SHANK1: variants seen among roughly 807,000 people sequenced by gnomAD.
The protein encoded by SHANK1 is SH3 and multiple ankyrin repeat domains 1, also known as SH3 and multiple ankyrin repeat domains protein 1.
Under a neutral mutation model 165.6 loss-of-function variants are expected in SHANK1, and 35 were observed. That is an observed-to-expected ratio of 0.21 (90% CI 0.16 to 0.28). The LOEUF is 0.28. Ranked by LOEUF, SHANK1 falls within the 10% of genes least tolerant of loss-of-function variation. The pLI is 1.00. For synonymous variants in SHANK1, 1,428 were observed against 1,384.8 expected, an observed-to-expected ratio of 1.03 and a Z score of -0.69; for missense variants, 2,681 against 3,036.4, an observed-to-expected ratio of 0.88 and a Z score of 2.75.
In SHANK1 at chr19:50,666,817, C is replaced by G; in HGVS notation, c.5143G>C (p.Gly1715Arg). ...TCCGGCCCACTGGCCACACCGGCCCCAGCCCCGCCCCCACCCCCTGCGCTG... is the reference window on the plus strand; with the variant it reads ...TCCGGCCCACTGGCCACACCGGCCCGAGCCCCGCCCCCACCCCCTGCGCTG... ...GGSAGGGGGAGAGVASGPELL... is the reference protein window; with the variant it reads ...GGSAGGGGGARAGVASGPELL... The change falls in exon 23 of 24, where the codon GGG becomes CGG. Residue 1715 changes from glycine (G) to arginine (R), a missense_variant. Gly to Arg is a moderately radical substitution (Grantham distance 125). This residue lies in a region of SHANK1 where 1,713 missense variants were observed against 1,630.2 expected (regional missense o/e 1.05). Coordinates refer to ENST00000293441, the MANE Select transcript of SHANK1 (RefSeq NM_016148.5). 3 of 1,549,570 alleles carry G rather than the reference C, an allele frequency of 1.9e-6. No individual in the cohort carries two copies. The highest frequency in any genetic ancestry group is 2.6e-6 in the Non-Finnish European group (3 of 1,147,554).
In SHANK1 at chr19:50,659,384, A is replaced by G. The variant is rs1985094624; in HGVS notation, c.*2581T>C. ...GGGGGTAGGAATGAACCCCCATGTT[A>G]TAATCCCGCGTCCCTAATCTTCCTC... On this transcript the variant is annotated 3_prime_UTR_variant, in exon 24 of 24. Transcript: ENST00000293441. 1 of 350,200 alleles carries G rather than the reference A, an allele frequency of 2.9e-6. No homozygotes were observed. Among genetic ancestry groups the G allele is most frequent in the African/African-American group, 2.1e-5 (1 of 47,300 alleles). 21.7% of individuals were successfully genotyped at this position (350,200 alleles called of 1,614,324 possible). A position where few individuals can be genotyped will look rare whatever the true frequency, so the allele number is the denominator to read the frequency against.
chr19:50,694,375 TG>T (rs1986654497), intron 15 of SHANK1, among the ~76,000 whole-genome samples: 1 of 136,416 alleles, frequency 7.3e-6, no homozygotes. Flanking sequence ...GGGGTATGAA[TG>T]GGGGGACTTG....
At position 50,686,917 on chromosome 19, in the gene SHANK1, G is replaced by A. The variant is rs565254897; in HGVS notation, c.2390-105C>T. Reference sequence around the variant, plus strand: ...GCAGGTGCGGGCCAGTGGGCGTGGCGGGCGCGAGAGGGGCAGTGAGGGGCC... The same window carrying A: ...GCAGGTGCGGGCCAGTGGGCGTGGCAGGCGCGAGAGGGGCAGTGAGGGGCC... On this transcript the variant is annotated intron_variant, in intron 19 of 23. Coordinates refer to ENST00000293441, the MANE Select transcript of SHANK1 (RefSeq NM_016148.5). This position sits in a 1 kb window ranked among gnomAD's most constrained non-coding sequence, Gnocchi z 5.7. 293 of 1,421,236 alleles carry A rather than the reference G, an allele frequency of 2.1e-4. 1 individual carries two copies. The highest frequency in any genetic ancestry group is 1.9e-4 in the African/African-American group (13 of 68,670). 88.0% of individuals were successfully genotyped at this position (1,421,236 alleles called of 1,614,324 possible).
Position 50,679,494 on chromosome 19 carries a change from C to T in SHANK1, c.2577+6743G>A, listed in dbSNP as rs555455972. ...ACTGACTCCCCAGGGAGCACCTGAACTCCACCAACCAACGGGAGCATTCGC... is the reference window on the plus strand; with the variant it reads ...ACTGACTCCCCAGGGAGCACCTGAATTCCACCAACCAACGGGAGCATTCGC... On this transcript the variant is annotated intron_variant, in intron 21 of 23. Coordinates refer to ENST00000293441, the MANE Select transcript of SHANK1 (RefSeq NM_016148.5). Among the ~76,000 whole-genome samples, 4 of 152,268 alleles carry T rather than the reference C, an allele frequency of 2.6e-5. No homozygotes were observed. The South Asian group carries it at 8.3e-4, about 32-fold the overall frequency.
In SHANK1 at chr19:50,666,651, GGCCGCAGGCCTCCGCTGGCTCCTA is replaced by G. The variant is rs541236639; in HGVS notation, c.5285_5308del (p.Leu1762_Arg1769del). ...GTCTCGGAGTCCCCCGCTGGGGCCA[GGCCGCAGGCCTCCGCTGGCTCCTA>G]GCGCCCGGCCCCGGAGCTTAGAGGG... On this transcript the variant is annotated inframe_deletion, in exon 23 of 24. Coordinates refer to ENST00000293441, the MANE Select transcript of SHANK1 (RefSeq NM_016148.5). 2.6e-4 allele frequency: 417 copies of G among 1,592,828 alleles called. 3 individuals carry two copies. The African/African-American group carries it at 5.0e-3, about 19-fold the overall frequency.
chr19:50,667,623 T>C lies in SHANK1; in HGVS notation c.4337A>G (p.His1446Arg). ...SPPAARRSLLHRLPPTAPGVG... is the reference protein window; with the variant it reads ...SPPAARRSLLRRLPPTAPGVG... ...CCCGGGAGCGGTGGGCGGCAGGCGG[T>C]GTAGCAGGGAACGCCGGGCGGCGGG... The change falls in exon 23 of 24, where the codon CAC (histidine) becomes CGC (arginine). Residue 1446 changes from histidine (H) to arginine (R), a missense_variant. Physicochemically the swap from His to Arg is conservative, Grantham distance 29. Around this residue, in one of 10 missense-constraint regions of SHANK1, gnomAD observed 1,713 missense variants for 1,630.2 expected, o/e 1.05. Transcript: ENST00000293441. This position sits in a 1 kb window ranked among gnomAD's most constrained non-coding sequence, Gnocchi z 5.7. 7.0e-7 allele frequency: 1 copy of C among 1,427,278 alleles called. No homozygotes were observed. Among genetic ancestry groups the C allele is most frequent in the Non-Finnish European group, 9.1e-7 (1 of 1,101,206 alleles). 88.4% of individuals were successfully genotyped at this position (1,427,278 alleles called of 1,614,324 possible). A position where few individuals can be genotyped will look rare whatever the true frequency, so the allele number is the denominator to read the frequency against.
chr19:50,709,252 T>C (rs2081883), intron 8 of SHANK1, among the ~76,000 whole-genome samples: 152,141 of 152,176 alleles, frequency 1, 76,054 homozygotes, highest in Middle Eastern at 1. Flanking sequence ...CATTCTCCTG[T>C]CTCAGCCTCC....
intron 16 of SHANK1, 35 bp downstream of exon 16, chr19:50,689,162 G>C (rs753885818): frequency 6.5e-7 from 1 of 1,527,908 alleles, no homozygotes; most frequent in South Asian, 1.1e-5. Flanking sequence ...GGGTCACAGA[G>C]CCCTTCTCCC....
At chr19:50,696,382 A>G (rs1357369490) in intron 15 of SHANK1, among the ~76,000 whole-genome samples, 2 of 147,832 alleles carry the variant, frequency 1.4e-5, no homozygotes, top group African/African-American at 5.0e-5. Flanking sequence ...CCCCAGCCCC[A>G]CCCTCTCTCC....
intron 22 of SHANK1, among the ~76,000 whole-genome samples, chr19:50,671,568 T>C (rs1001552055): frequency 2.3e-4 from 35 of 151,744 alleles, no homozygotes; most frequent in African/African-American, 8.0e-4. Context: ...ATCCATTATC[T>C]GTCTTCCCCT....
chr19:50,687,625 G>A lies in SHANK1; in HGVS notation c.2346C>T (p.Ile782=). The change falls in exon 19 of 24, where the codon ATC becomes ATT. Residue 782 remains isoleucine, a synonymous_variant. Transcript: ENST00000293441. Reference sequence around the variant, plus strand: ...AGGTCATAGATTTGGAACGCAGGGAGATGGTTGGGGGCGGCAGCCGCTTGG... The same window carrying A: ...AGGTCATAGATTTGGAACGCAGGGAAATGGTTGGGGGCGGCAGCCGCTTGG... The part of the protein sequence containing the change: ...QQAKRLPPPT[I]SLRSKSMTSE... The A allele has an allele frequency of 6.5e-7, 1 of 1,534,084 alleles. No homozygotes were observed. Among genetic ancestry groups the A allele is most frequent in the Non-Finnish European group, 8.8e-7 (1 of 1,140,154 alleles).
intron 21 of SHANK1, among the ~76,000 whole-genome samples, chr19:50,684,594 G>C (rs912359849): frequency 3.3e-5 from 5 of 152,038 alleles, no homozygotes; most frequent in Non-Finnish European, 7.4e-5. Context: ...AGACTTCAGG[G>C]GCCTGTGCAC....
chr19:50,679,897 G>C (rs560099170), intron 21 of SHANK1, among the ~76,000 whole-genome samples: 1 of 152,164 alleles, frequency 6.6e-6, no homozygotes, highest in East Asian at 1.9e-4. Flanking sequence ...GAGAGAGACA[G>C]AGATGGAGAG....
In SHANK1 at chr19:50,713,777, G is replaced by A. The variant is rs762559007; in HGVS notation, c.792+21C>T. 3.7e-6 allele frequency: 6 copies of A among 1,609,996 alleles called. No individual in the cohort carries two copies. In the Admixed American group the frequency reaches 5.0e-5, roughly 13 times the overall value. ...GGAGAGAGGGCCCCATGGCGGGGAT[G>A]GGGGGTCCCCGAAGCCTCACCGTGA... On this transcript the variant is annotated intron_variant, in intron 6 of 23. Coordinates refer to ENST00000293441, the MANE Select transcript of SHANK1 (RefSeq NM_016148.5). This position sits in a 1 kb window ranked among gnomAD's most constrained non-coding sequence, Gnocchi z 6.2.
chr19:50,702,613 G>T lies in SHANK1; in HGVS notation c.1601C>A (p.Ser534Ter). 6.3e-7 allele frequency: 1 copy of T among 1,592,944 alleles called. No homozygotes were observed. ...GCCCAGGGAGCCCCCGGGGCCCCCT[G>T]AGCCCCCCGTGCCCCCGGCTGGCCC... ...REGPAGGTGG[S>*]GGPGGSLGSR... The change falls in exon 12 of 24, where the codon TCA (serine) becomes TAA (stop). Residue 534 changes from serine (S) to a stop codon, truncating the protein, a stop_gained. Coordinates refer to ENST00000293441, the MANE Select transcript of SHANK1 (RefSeq NM_016148.5). LOFTEE classifies it high-confidence loss of function. This position sits in a 1 kb window ranked among gnomAD's most constrained non-coding sequence, Gnocchi z 5.3.
intron 16 of SHANK1, 56 bp downstream of exon 16, chr19:50,689,141 C>T: frequency 7.0e-7 from 1 of 1,421,686 alleles, no homozygotes; most frequent in South Asian, 1.2e-5. Context: ...CCATTTTCAG[C>T]CCTGCTTCTG....
chr19:50,706,765 T>C (rs769085449), intron 8 of SHANK1, among the ~76,000 whole-genome samples: 22 of 151,964 alleles, frequency 1.4e-4, no homozygotes, highest in Non-Finnish European at 2.2e-4. Flanking sequence ...GCTTTATTTT[T>C]ATTTATTTAT....
At chr19:50,710,611 T>C (rs2088995967) in intron 8 of SHANK1, among the ~76,000 whole-genome samples, 1 of 152,192 alleles carries the variant, frequency 6.6e-6, no homozygotes, top group African/African-American at 2.4e-5. Flanking sequence ...GCCTGCTCCG[T>C]ACCTCTCCTC....
intron 12 of SHANK1, among the ~76,000 whole-genome samples, chr19:50,698,336 A>G (rs1599862716): frequency 6.6e-6 from 1 of 151,398 alleles, no homozygotes; most frequent in Admixed American, 6.6e-5. Flanking sequence ...GTTCTACCTC[A>G]CCCTCCCATC....
Sources: gnomAD v4.1 joint callset for allele counts (sites outside exome capture counted in the v4.1 genomes callset) on GRCh38, gnomAD v4.1.1 for gene constraint, gnomAD v4.1.1 regional missense constraint, Gnocchi (gnomAD v3.1) non-coding constraint, MANE v1.5 for transcripts, NCBI Gene and HGNC (gene_info 2026-07-23, HGNC 2026-07-21) for gene names.